Variants in CNTN5 observed in about 807,000 individuals in gnomAD.
The protein encoded by CNTN5 is contactin 5, also known as contactin-5.
A neutral mutation model predicts 129.1 loss-of-function variants in CNTN5; 77 were observed. That is an observed-to-expected ratio of 0.60 (90% CI 0.50 to 0.72). The LOEUF (loss-of-function observed/expected upper bound fraction) is 0.72. Among genes scored for constraint, CNTN5 ranks in the 30% least tolerant of loss-of-function variants. The pLI, the probability that CNTN5 is intolerant of heterozygous loss-of-function variation, is 0.00. For synonymous variants in CNTN5, 509 were observed against 465.6 expected (o/e 1.09, Z -1.20); for missense variants, 1,478 against 1,328.8 (o/e 1.11, Z -1.75).
intron 2 of CNTN5, among the ~76,000 whole-genome samples, chr11:99,416,944 T>G (rs1258858126): frequency 6.6e-6 from 1 of 152,188 alleles, no homozygotes; most frequent in African/African-American, 2.4e-5. Context: ...TACTTTGCAC[T>G]TGTACATTTT....
At chr11:99,547,992 C>A (rs898654249) in intron 2 of CNTN5, among the ~76,000 whole-genome samples, 2 of 152,098 alleles carry the variant, frequency 1.3e-5, no homozygotes, top group African/African-American at 2.4e-5. Context: ...CTATATGGTT[C>A]TTTTTGTAAA....
intron 3 of CNTN5, among the ~76,000 whole-genome samples, chr11:99,798,334 T>C (rs779884151): frequency 6.6e-6 from 1 of 152,224 alleles, no homozygotes; most frequent in African/African-American, 2.4e-5. Context: ...AAGGACATAG[T>C]GATAAATTGT....
At chr11:99,215,910 G>C (rs533791287) in intron 1 of CNTN5, among the ~76,000 whole-genome samples, 2 of 152,206 alleles carry the variant, frequency 1.3e-5, no homozygotes, top group East Asian at 3.9e-4. Context: ...GTGCATAATG[G>C]TTGTATATAT....
chr11:99,118,321 A>C (rs1858137542), intron 1 of CNTN5, among the ~76,000 whole-genome samples: 1 of 152,100 alleles, frequency 6.6e-6, no homozygotes, highest in African/African-American at 2.4e-5. Context: ...CATTTTGATG[A>C]TTACTAATAA....
chr11:100,156,680 T>C (rs534041643), intron 13 of CNTN5, among the ~76,000 whole-genome samples: 6 of 152,156 alleles, frequency 3.9e-5, no homozygotes, highest in African/African-American at 1.4e-4. Flanking sequence ...TTGTTATCGG[T>C]CTATTCAGGG....
intron 1 of CNTN5, among the ~76,000 whole-genome samples, chr11:99,171,211 A>G (rs755921325): frequency 1.3e-5 from 2 of 152,208 alleles, no homozygotes; most frequent in Admixed American, 6.5e-5. Context: ...TCATAGATAC[A>G]TATGCCATCA....
At chr11:99,240,642 C>T (rs970967488) in intron 1 of CNTN5, among the ~76,000 whole-genome samples, 4 of 152,080 alleles carry the variant, frequency 2.6e-5, no homozygotes, top group African/African-American at 9.7e-5. Context: ...GATCCCTAAA[C>T]CTTTTTAGAA....
intron 2 of CNTN5, among the ~76,000 whole-genome samples, chr11:99,549,549 G>A (rs1948413871): frequency 6.6e-6 from 1 of 152,006 alleles, no homozygotes; most frequent in South Asian, 2.1e-4. Context: ...CATCTAGTAC[G>A]TTTTTCTCTT....
chr11:100,350,855 G>T lies in CNTN5; in HGVS notation c.3184G>T (p.Val1062Leu). Residue 1062 changes from valine to leucine, a missense_variant, in exon 24 of 25, where the codon GTA becomes TTA. Coordinates refer to ENST00000524871, the MANE Select transcript of CNTN5 (RefSeq NM_014361.4). ...GDGTASSQIR[V>L]PSYSGGKITS... is the part of the protein sequence containing the mutation. ...TGGAACAGCTAGTTCTCAAATTAGG[G>T]TACCATCATATTCAGGTAAGTTTTG... is the stretch of plus-strand genomic sequence containing the variant. The T allele has an allele frequency of 3.2e-6, 5 of 1,583,156 alleles. No individual in the cohort carries two copies. The highest frequency in any genetic ancestry group is 1.7e-4 in the Middle Eastern group (1 of 5,944).
intron 13 of CNTN5, among the ~76,000 whole-genome samples, chr11:100,149,481 TA>T (rs933466873): frequency 1.3e-5 from 2 of 152,194 alleles, no homozygotes; most frequent in Non-Finnish European, 2.9e-5. Context: ...GTTTAAAATG[TA>T]AAAAAATTAA....
intron 1 of CNTN5, among the ~76,000 whole-genome samples, chr11:99,140,320 TA>T (rs1303958157): frequency 2.6e-5 from 4 of 152,090 alleles, no homozygotes; most frequent in African/African-American, 9.7e-5. Context: ...GTAGTGAGCA[TA>T]GTACATACTA....
chr11:99,812,614 C>G (rs759803713), intron 3 of CNTN5, among the ~76,000 whole-genome samples: 18 of 152,094 alleles, frequency 1.2e-4, no homozygotes, highest in Non-Finnish European at 2.4e-4. Context: ...AATCACAGAG[C>G]TATTCCTCTC....
intron 1 of CNTN5, among the ~76,000 whole-genome samples, chr11:99,205,057 T>C (rs1859406780): frequency 6.6e-6 from 1 of 152,154 alleles, no homozygotes; most frequent in African/African-American, 2.4e-5. Flanking sequence ...TTATATTTAT[T>C]TTAAAATCAA....
intron 2 of CNTN5, among the ~76,000 whole-genome samples, chr11:99,345,571 G>T (rs1482322285): frequency 3.3e-5 from 5 of 152,160 alleles, no homozygotes; most frequent in African/African-American, 4.8e-5. Context: ...GAGGTTAAAA[G>T]AAGCAACATG....
At chr11:99,614,057 T>C (rs751775756) in intron 3 of CNTN5, among the ~76,000 whole-genome samples, 4 of 152,258 alleles carry the variant, frequency 2.6e-5, no homozygotes, top group South Asian at 2.1e-4. Context: ...CAAAGTTTTA[T>C]ATGTGTTTGA....
At chr11:100,122,428 A>G (rs982096927) in intron 13 of CNTN5, among the ~76,000 whole-genome samples, 1 of 152,052 alleles carries the variant, frequency 6.6e-6, no homozygotes, top group Non-Finnish European at 1.5e-5. Context: ...ACTCAGACTC[A>G]CTTGCTAATC....
At chr11:100,328,886 G>T (rs1328989553) in intron 21 of CNTN5, among the ~76,000 whole-genome samples, 1 of 152,216 alleles carries the variant, frequency 6.6e-6, no homozygotes, top group African/African-American at 2.4e-5. Context: ...TGTGCTCCAA[G>T]AACTACCAAA....
chr11:99,470,377 A>AATGTTCAT (rs1279676535), intron 2 of CNTN5, among the ~76,000 whole-genome samples: 2 of 152,170 alleles, frequency 1.3e-5, no homozygotes, highest in Non-Finnish European at 2.9e-5. Flanking sequence ...AAATAAAAAT[A>AATGTTCAT]ATGTTCATTT....
chr11:99,867,990 G>A lies in CNTN5; in HGVS notation c.577+22728G>A, dbSNP rs543807821. On this transcript the variant is annotated intron_variant, in intron 6 of 24. Transcript: ENST00000524871. ...AGCTGTTTGGGAGGCTGAGTCAGGC[G>A]GATTACCTGAGGTCAGGAGTTCGAG... is the stretch of plus-strand genomic sequence containing the variant. 1.4e-4 allele frequency among the ~76,000 whole-genome samples: 22 copies of A among 152,220 alleles called. No individual in the cohort carries two copies. In the South Asian group the frequency reaches 2.7e-3, roughly 19 times the overall value.
Sources: allele counts gnomAD v4.1 joint callset (sites outside exome capture counted in the v4.1 genomes callset), GRCh38; gene constraint gnomAD v4.1.1; transcripts MANE v1.5; gene names NCBI Gene and HGNC (gene_info 2026-07-23, HGNC 2026-07-21).